Variants in MYO10 observed in about 807,000 individuals in gnomAD.
MYO10 encodes the protein myosin X, also known as unconventional myosin-X.
Under a neutral mutation model 257.3 loss-of-function variants are expected in MYO10, and 133 were observed. The ratio of observed to expected loss-of-function variants is 0.52; its 90% CI spans 0.45 to 0.60. The LOEUF (loss-of-function observed/expected upper bound fraction) is 0.60, where lower values mean the gene tolerates loss of function less well. Ranked by LOEUF, MYO10 falls within the 20% of genes least tolerant of loss-of-function variation. The pLI is 0.00. For missense variants in MYO10, 2,399 were observed against 2,635.7 expected, an observed-to-expected ratio of 0.91 and a Z score of 1.97; for synonymous variants, 1,104 against 1,028.6, an observed-to-expected ratio of 1.07 and a Z score of -1.40.
chr5:16,825,314 T>C (rs1742970695), intron 2 of MYO10, among the ~76,000 whole-genome samples: 1 of 152,210 alleles, frequency 6.6e-6, no homozygotes, highest in Non-Finnish European at 1.5e-5. Flanking sequence ...TTGCTCCTTA[T>C]GACACATTAT....
intron 4 of MYO10, among the ~76,000 whole-genome samples, chr5:16,788,708 A>G (rs900373617): frequency 3.3e-5 from 5 of 152,182 alleles, no homozygotes; most frequent in Admixed American, 1.3e-4. Context: ...AGAAGACAGC[A>G]GATGAAAAAT....
chr5:16,701,183 G>A lies in MYO10; in HGVS notation c.3212C>T (p.Ser1071Phe). 1 of 1,608,264 alleles carries A rather than the reference G, an allele frequency of 6.2e-7. No homozygotes were observed. Among genetic ancestry groups the A allele is most frequent in the Non-Finnish European group, 8.5e-7 (1 of 1,177,430 alleles). ...GSLHNSSSGE[S>F]TYCMPQNAGD... ...AGCGTTCTGGGGCATGCAGTAGGTGGACTCGCCGCTGGAGGAGTTGTGTAG... is the reference window on the plus strand; with the variant it reads ...AGCGTTCTGGGGCATGCAGTAGGTGAACTCGCCGCTGGAGGAGTTGTGTAG... Residue 1071 changes from serine (S) to phenylalanine (F), a missense_variant, in exon 25 of 41, where the codon TCC becomes TTC. Physicochemically the swap from Ser to Phe is radical, Grantham distance 155. Transcript: ENST00000513610. The surrounding 1 kb of genome is among the most constrained non-coding windows in gnomAD (Gnocchi z 8.1).
intron 1 of MYO10, among the ~76,000 whole-genome samples, chr5:16,913,698 T>C (rs953863437): frequency 6.6e-6 from 1 of 152,100 alleles, no homozygotes; most frequent in African/African-American, 2.4e-5. Flanking sequence ...GCTAGGAGCC[T>C]GCAACATCTT....
chr5:16,810,946 G>A (rs1742418240), intron 3 of MYO10, among the ~76,000 whole-genome samples: 1 of 151,772 alleles, frequency 6.6e-6, no homozygotes, highest in Admixed American at 6.6e-5. Context: ...GCGGATGCCT[G>A]TAATCCCAGC....
rs1737924279 is a variant in MYO10, at chr5:16,699,494, C to T, written c.3512G>A (p.Ser1171Asn). 6.2e-7 allele frequency: 1 copy of T among 1,613,860 alleles called. No individual in the cohort carries two copies. The highest frequency in any genetic ancestry group is 8.5e-7 in the Non-Finnish European group (1 of 1,179,880). The change falls in exon 26 of 41, where the codon AGC becomes AAC. Residue 1171 changes from serine (S) to asparagine (N), a missense_variant. Around this residue, in one of 3 missense-constraint regions of MYO10, gnomAD observed 1,820 missense variants for 1,939.4 expected, o/e 0.94. Transcript: ENST00000513610. ...ELSYRRDSVY[S>N]CVTLPYFHSF... ...GTGGAAATACGGCAGAGTGACACAG[C>T]TGTACACAGAGTCACGCCGGTATGA...
rs926314400 is a variant in MYO10 at position 16,877,718 on chromosome 5, A to G, written c.22-11T>C. On this transcript the variant is annotated splice_polypyrimidine_tract_variant and intron_variant, in intron 1 of 40. Transcript: ENST00000513610. ...CCAGACCCGTGTTCCCTGTAAACAA[A>G]ACAAACAAGACTGAACTGAGTTTGG... 1 of 1,603,672 alleles carries G rather than the reference A, an allele frequency of 6.2e-7. No homozygotes were observed. The highest frequency in any genetic ancestry group is 1.7e-5 in the Admixed American group (1 of 59,776).
At chr5:16,730,637 G>A (rs547804128) in intron 19 of MYO10, among the ~76,000 whole-genome samples, 7 of 152,332 alleles carry the variant, frequency 4.6e-5, no homozygotes, top group Admixed American at 1.3e-4. Flanking sequence ...ACGGGGCAGT[G>A]TCAAGTTCAA....
At chr5:16,680,230 T>C in intron 32 of MYO10, 126 bp from the exon 33 acceptor site, 1 of 1,188,852 alleles carries the variant, frequency 8.4e-7, no homozygotes, top group Non-Finnish European at 1.2e-6. Flanking sequence ...GCTTAATTCC[T>C]ACATGTGTCC....
chr5:16,818,551 C>G (rs149958313), intron 2 of MYO10, among the ~76,000 whole-genome samples: 33 of 151,890 alleles, frequency 2.2e-4, no homozygotes, highest in Non-Finnish European at 3.2e-4. Context: ...ATCCTCCCAC[C>G]TCAGCCTCCC....
rs564251407 is a variant in MYO10 at position 16,753,262 on chromosome 5, G to A, written c.1929+1566C>T. On this transcript the variant is annotated intron_variant, in intron 19 of 40. Coordinates refer to ENST00000513610, the MANE Select transcript of MYO10 (RefSeq NM_012334.3). Reference sequence around the variant, plus strand: ...GCTCACTGCAAGCTCCGCCTCCCGGGTTCAGGCAATTCTCCTGCCTCAGCC... The same window carrying A: ...GCTCACTGCAAGCTCCGCCTCCCGGATTCAGGCAATTCTCCTGCCTCAGCC... Among the ~76,000 whole-genome samples the A allele has an allele frequency of 9.2e-5, 14 of 152,130 alleles. No homozygotes were observed. In the East Asian group the frequency reaches 2.3e-3, roughly 25 times the overall value.
chr5:16,672,964 G>A, intron 36 of MYO10, 139 bp from the exon 37 acceptor site: 1 of 930,570 alleles, frequency 1.1e-6, no homozygotes, highest in Non-Finnish European at 1.6e-6. Context: ...TACCCGTGTG[G>A]TCATCCCAGA....
In MYO10 at chr5:16,902,507, C is replaced by A. The variant is rs573931553; in HGVS notation, c.22-24800G>T. On this transcript the variant is annotated intron_variant, in intron 1 of 40. Coordinates refer to ENST00000513610, the MANE Select transcript of MYO10 (RefSeq NM_012334.3). ...ACATGTCCCTGACTGCTGCGGCCTC[C>A]ACTATGTTTCGAATGACGAATTTCT... is the stretch of plus-strand genomic sequence containing the variant. 5.8e-4 allele frequency: 904 copies of A among 1,566,066 alleles called. 1 individual carries two copies. Among genetic ancestry groups the A allele is most frequent in the Non-Finnish European group, 7.6e-4 (875 of 1,150,538 alleles).
At chr5:16,788,943 G>A (rs1426195659) in intron 4 of MYO10, among the ~76,000 whole-genome samples, 1 of 152,138 alleles carries the variant, frequency 6.6e-6, no homozygotes, top group Non-Finnish European at 1.5e-5. Context: ...CCAGGGCAAG[G>A]AGGCTCAGAG....
intron 2 of MYO10, among the ~76,000 whole-genome samples, chr5:16,847,725 G>T (rs982902700): frequency 1.3e-4 from 20 of 151,888 alleles, no homozygotes; most frequent in African/African-American, 4.4e-4. Flanking sequence ...GTGAGACCCT[G>T]TCTCAAAAAA....
Position 16,673,826 on chromosome 5 carries a change from A to G in MYO10, c.5028T>C (p.Leu1676=). ...EKYALFTYES[L]KKTKCREFVP... ...CAAACTCTCGGCATTTGGTTTTCTT[A>G]AGAGATTCGTAAGTGAAGAGAGCGT... Residue 1676 remains leucine (L), a synonymous_variant, in exon 36 of 41, where the codon CTT becomes CTC. Transcript: ENST00000513610. The G allele has an allele frequency of 6.2e-7, 1 of 1,613,936 alleles. No homozygotes were observed. Among genetic ancestry groups the G allele is most frequent in the Non-Finnish European group, 8.5e-7 (1 of 1,179,886 alleles).
intron 2 of MYO10, among the ~76,000 whole-genome samples, chr5:16,865,575 C>G (rs1332370674): frequency 6.6e-6 from 1 of 152,096 alleles, no homozygotes; most frequent in Non-Finnish European, 1.5e-5. Context: ...CTTTGGGAGG[C>G]CGAGGTGGGT....
chr5:16,854,585 C>CAT (rs1743905465), intron 2 of MYO10, among the ~76,000 whole-genome samples: 1 of 152,124 alleles, frequency 6.6e-6, no homozygotes, highest in Non-Finnish European at 1.5e-5. Context: ...CTCAGGGTTA[C>CAT]AGCGTTTCTA....
chr5:16,667,259 CGGCCAGCTCCCCAGACGCCA>C (rs1736215961), intron 40 of MYO10, among the ~76,000 whole-genome samples: 1 of 152,142 alleles, frequency 6.6e-6, no homozygotes, highest in Admixed American at 6.5e-5. Context: ...GCTGGGAGAG[CGGCCAGCTCCCCAGACGCCA>C]GGCCAGCTTC....
intron 1 of MYO10, among the ~76,000 whole-genome samples, chr5:16,892,260 G>T (rs1406571837): frequency 6.6e-6 from 1 of 152,190 alleles, no homozygotes; most frequent in Non-Finnish European, 1.5e-5. Flanking sequence ...CATTACTTGA[G>T]ATCTCTCTGC....
Sources: gnomAD v4.1 joint callset for allele counts (sites outside exome capture counted in the v4.1 genomes callset) on GRCh38, gnomAD v4.1.1 for gene constraint, gnomAD v4.1.1 regional missense constraint, Gnocchi (gnomAD v3.1) non-coding constraint, MANE v1.5 for transcripts, NCBI Gene and HGNC (gene_info 2026-07-23, HGNC 2026-07-21) for gene names.